The following DGKB variants were observed in gnomAD, a reference collection of about 807,000 sequenced individuals.
DGKB encodes 90 kDa diacylglycerol kinase.
DGKB carries 67 observed loss-of-function variants against 114.3 expected under a neutral mutation model. The observed-to-expected ratio is 0.59, with a 90% CI of 0.48 to 0.72. The LOEUF is 0.72. Among genes scored for constraint, DGKB ranks in the 30% least tolerant of loss-of-function variants. DGKB has a pLI of 0.00. For missense variants in DGKB, 907 were observed against 975.2 expected, an observed-to-expected ratio of 0.93 and a Z score of 0.93; for synonymous variants, 398 against 323.1, an observed-to-expected ratio of 1.23 and a Z score of -2.49.
intron 1 of DGKB, among the ~76,000 whole-genome samples, chr7:14,927,162 C>T (rs902975236): frequency 1.3e-5 from 2 of 151,850 alleles, no homozygotes; most frequent in Non-Finnish European, 2.9e-5. Context: ...TTTTACTTAT[C>T]TATATAAATG....
intron 20 of DGKB, among the ~76,000 whole-genome samples, chr7:14,544,997 T>A (rs60101221): frequency 0.028 from 4,326 of 151,856 alleles, 173 homozygotes; most frequent in East Asian, 0.2. Context: ...TTTTTTTTTT[T>A]AAAAAACAGA....
intron 2 of DGKB, among the ~76,000 whole-genome samples, chr7:14,839,030 T>C (rs1021319130): frequency 4.6e-5 from 7 of 152,200 alleles, no homozygotes; most frequent in Non-Finnish European, 8.8e-5. Context: ...TTTCCGTTCC[T>C]ATCTCCAATG....
intron 1 of DGKB, among the ~76,000 whole-genome samples, chr7:14,861,723 T>TAA (rs1851005812): frequency 6.6e-6 from 1 of 152,000 alleles, no homozygotes; most frequent in Non-Finnish European, 1.5e-5. Flanking sequence ...ATACTCTATT[T>TAA]ATTTGTCTGT....
At chr7:14,661,568 A>T (rs986776119) in intron 13 of DGKB, among the ~76,000 whole-genome samples, 9 of 151,742 alleles carry the variant, frequency 5.9e-5, no homozygotes, top group East Asian at 1.9e-4. Flanking sequence ...GGTGCTGGAG[A>T]GGATGTGGAG....
intron 21 of DGKB, among the ~76,000 whole-genome samples, chr7:14,455,735 C>T (rs1046527988): frequency 6.6e-6 from 1 of 151,934 alleles, no homozygotes; most frequent in Admixed American, 6.6e-5. Context: ...CATTCTTCAA[C>T]TTGGTTCAGG....
chr7:14,635,987 G>T (rs1231753499), intron 13 of DGKB, among the ~76,000 whole-genome samples: 1 of 151,554 alleles, frequency 6.6e-6, no homozygotes, highest in African/African-American at 2.4e-5. Flanking sequence ...TAAAGCCTAG[G>T]TCTCCTTTTC....
At chr7:14,482,296 TCTC>T (rs1282220836) in intron 20 of DGKB, among the ~76,000 whole-genome samples, 3 of 152,010 alleles carry the variant, frequency 2.0e-5, no homozygotes, top group Non-Finnish European at 4.4e-5. Context: ...CATAATACCT[TCTC>T]CTTTGGTTTA....
intron 4 of DGKB, among the ~76,000 whole-genome samples, chr7:14,747,775 G>GCGCGCGCGCGCGCA: frequency 0.011 from 1,631 of 149,262 alleles, 36 homozygotes; most frequent in African/African-American, 0.038. Context: ...ACATCCACGC[G>GCGCGCGCGCGCGCA]CACGCACACA....
At chr7:14,668,311 T>TA (rs1341893246) in intron 13 of DGKB, among the ~76,000 whole-genome samples, 2 of 151,958 alleles carry the variant, frequency 1.3e-5, no homozygotes, top group Non-Finnish European at 2.9e-5. Context: ...AGATGAGAAA[T>TA]AAAAAATGCT....
chr7:14,245,913 T>G (rs1794407030), intron 23 of DGKB, among the ~76,000 whole-genome samples: 1 of 152,108 alleles, frequency 6.6e-6, no homozygotes, highest in South Asian at 2.1e-4. Context: ...GGGCAAAAAG[T>G]GAGATCCTGT....
intron 23 of DGKB, among the ~76,000 whole-genome samples, chr7:14,240,927 A>C (rs1015502018): frequency 2.6e-5 from 4 of 152,106 alleles, no homozygotes; most frequent in African/African-American, 9.7e-5. Context: ...GTAATCACTA[A>C]GCCTTTAGAC....
chr7:14,750,872 C>T (rs1468880059), intron 4 of DGKB, among the ~76,000 whole-genome samples: 2 of 134,872 alleles, frequency 1.5e-5, no homozygotes, highest in South Asian at 4.8e-4. Flanking sequence ...GGCGCGATCT[C>T]GGTTCACTGC....
At chr7:14,387,147 G>A (rs1820494518) in intron 21 of DGKB, among the ~76,000 whole-genome samples, 2 of 151,526 alleles carry the variant, frequency 1.3e-5, no homozygotes, top group Non-Finnish European at 2.9e-5. Flanking sequence ...GTCTTGGCTG[G>A]GCGCGGTGGC....
At chr7:14,243,860 A>C (rs920594426) in intron 23 of DGKB, among the ~76,000 whole-genome samples, 7 of 152,156 alleles carry the variant, frequency 4.6e-5, no homozygotes, top group African/African-American at 9.7e-5. Flanking sequence ...CTTGAAACTA[A>C]ATTGGGATCC....
chr7:14,521,392 G>C (rs1237701441), intron 20 of DGKB, among the ~76,000 whole-genome samples: 2 of 152,094 alleles, frequency 1.3e-5, no homozygotes, highest in Non-Finnish European at 2.9e-5. Context: ...GTTTGACTCA[G>C]CGTATCCTGG....
chr7:14,371,260 G>A (rs1020158684), intron 21 of DGKB, among the ~76,000 whole-genome samples: 15 of 152,134 alleles, frequency 9.9e-5, no homozygotes, highest in South Asian at 2.1e-4. Flanking sequence ...TTCCACAGTG[G>A]ATGAACTAAT....
chr7:14,850,405 G>C (rs1849197604), intron 1 of DGKB, among the ~76,000 whole-genome samples: 1 of 152,158 alleles, frequency 6.6e-6, no homozygotes, highest in Non-Finnish European at 1.5e-5. Context: ...TTATTAGTGA[G>C]ACTGGTTCAA....
At chr7:14,642,180 T>C (rs1563763300) in intron 13 of DGKB, among the ~76,000 whole-genome samples, 1 of 152,092 alleles carries the variant, frequency 6.6e-6, no homozygotes, top group Non-Finnish European at 1.5e-5. Context: ...AACATTATTT[T>C]TTTCTATACT....
At chr7:14,518,698 T>C (rs1343516637) in intron 20 of DGKB, among the ~76,000 whole-genome samples, 7 of 151,900 alleles carry the variant, frequency 4.6e-5, no homozygotes, top group Non-Finnish European at 1.0e-4. Flanking sequence ...GGCTCTTAAA[T>C]TTTAGCATAT....
Sources: gnomAD v4.1 joint callset for allele counts (sites outside exome capture counted in the v4.1 genomes callset) on GRCh38, gnomAD v4.1.1 for gene constraint, MANE v1.5 for transcripts, NCBI Gene and HGNC (gene_info 2026-07-23, HGNC 2026-07-21) for gene names.